MYO16: variants seen among roughly 807,000 people sequenced by gnomAD.
The protein encoded by MYO16 is unconventional myosin-XVI.
MYO16 carries 94 observed loss-of-function variants against 205.3 expected under a neutral mutation model. The ratio of observed to expected loss-of-function variants is 0.46; its 90% CI spans 0.39 to 0.54. The LOEUF is 0.54. MYO16 is among the 20% of genes least tolerant of loss of function. The pLI is 0.00. For missense variants in MYO16, 2,315 were observed against 2,387.5 expected, an observed-to-expected ratio of 0.97 and a Z score of 0.63; for synonymous variants, 988 against 954.0, an observed-to-expected ratio of 1.04 and a Z score of -0.66.
At chr13:108,883,313 G>T in intron 13 of MYO16, 127 bp downstream of exon 13, 2 of 1,192,896 alleles carry the variant, frequency 1.7e-6, no homozygotes, top group Non-Finnish European at 2.3e-6. Context: ...GTATATCTTT[G>T]CAATAAGTAC....
At position 109,162,134 on chromosome 13, in the gene MYO16, G is replaced by A. The variant is rs1878415591; in HGVS notation, c.5165-2767G>A. 6.6e-6 allele frequency among the ~76,000 whole-genome samples: 1 copy of A among 152,138 alleles called. No homozygotes were observed. The highest frequency in any genetic ancestry group is 1.5e-5 in the Non-Finnish European group (1 of 68,038). On this transcript the variant is annotated intron_variant, in intron 32 of 34. Coordinates refer to ENST00000457511, the MANE Select transcript of MYO16 (RefSeq NM_001198950.3). The surrounding 1 kb of genome is among the most constrained non-coding windows in gnomAD (Gnocchi z 4.6). ...ACATGTCTTGGCTATAGTTTAACCT[G>A]CCAATTGAAAAATAGAAATACGTTT...
intron 32 of MYO16, among the ~76,000 whole-genome samples, chr13:109,150,900 G>C (rs1473465068): frequency 1.3e-5 from 2 of 152,190 alleles, no homozygotes; most frequent in Non-Finnish European, 2.9e-5. Context: ...CCTTAAGCAA[G>C]TTAATAAAGA....
At chr13:108,613,428 T>C (rs1190278425) in intron 1 of MYO16, among the ~76,000 whole-genome samples, 1 of 152,274 alleles carries the variant, frequency 6.6e-6, no homozygotes, top group Admixed American at 6.5e-5. Flanking sequence ...GTTATGTTCA[T>C]GGAAGTTATC....
At chr13:109,045,111 C>T (rs1486695011) in intron 23 of MYO16, among the ~76,000 whole-genome samples, 1 of 152,202 alleles carries the variant, frequency 6.6e-6, no homozygotes, top group African/African-American at 2.4e-5. Flanking sequence ...TTCCACATAG[C>T]TTTGAAGATG....
intron 9 of MYO16, among the ~76,000 whole-genome samples, chr13:108,835,137 C>T (rs1876839636): frequency 6.6e-6 from 1 of 151,488 alleles, no homozygotes; most frequent in African/African-American, 2.4e-5. Context: ...TAGATGTGTC[C>T]CCACCCAAAT....
intron 11 of MYO16, among the ~76,000 whole-genome samples, chr13:108,864,292 A>G (rs1379074254): frequency 6.6e-6 from 1 of 152,050 alleles, no homozygotes; most frequent in Non-Finnish European, 1.5e-5. Context: ...TATAATTTTT[A>G]TCTTAAGTAG....
chr13:108,736,459 T>A (rs1301090345), intron 4 of MYO16, among the ~76,000 whole-genome samples: 1 of 152,138 alleles, frequency 6.6e-6, no homozygotes, highest in Non-Finnish European at 1.5e-5. Flanking sequence ...GTTGTAGATG[T>A]GTGGTGTTAT....
At chr13:109,088,550 C>CT (rs79826723) in intron 27 of MYO16, among the ~76,000 whole-genome samples, 6,394 of 149,598 alleles carry the variant, frequency 0.043, 147 homozygotes, top group African/African-American at 0.059. Context: ...ATTCAGCATT[C>CT]TTTTTTTTTT....
chr13:109,129,538 G>A (rs1054107280), intron 31 of MYO16, among the ~76,000 whole-genome samples: 3 of 152,110 alleles, frequency 2.0e-5, no homozygotes, highest in African/African-American at 2.4e-5. Context: ...GGAGTGTCCC[G>A]TTGCCACTGT....
intron 27 of MYO16, among the ~76,000 whole-genome samples, chr13:109,066,247 G>T (rs4643168): frequency 0.5 from 75,529 of 152,028 alleles, 18,765 homozygotes; most frequent in Middle Eastern, 0.55. Flanking sequence ...AGTCTGCCTT[G>T]TTACATGTTG....
At chr13:108,554,850 A>G in the MYO16 span, among the ~76,000 whole-genome samples, 41 of 48,424 alleles carry the variant, frequency 8.5e-4, no homozygotes, top group South Asian at 0.034. Context: ...ACTCTGACTA[A>G]AAAAAAAAAA....
At chr13:109,201,518 T>C (rs1880394130) in intron 34 of MYO16, 1 of 140,594 alleles carries the variant, frequency 7.1e-6, no homozygotes, top group African/African-American at 2.9e-5. Flanking sequence ...AAAAATCTTA[T>C]TCTTTCTATT....
At chr13:108,860,606 A>G (rs1165084976) in intron 11 of MYO16, among the ~76,000 whole-genome samples, 1 of 152,122 alleles carries the variant, frequency 6.6e-6, no homozygotes, top group African/African-American at 2.4e-5. Context: ...AGAATGTTTG[A>G]ACTAATTTAC....
At chr13:109,001,073 A>C (rs556624122) in intron 21 of MYO16, among the ~76,000 whole-genome samples, 43 of 151,992 alleles carry the variant, frequency 2.8e-4, no homozygotes, top group Middle Eastern at 3.4e-3. Flanking sequence ...GCTGAAATTT[A>C]TATTTACTTA....
rs980840791 is a variant in MYO16, at chr13:109,125,003, T to C, written c.3536-109T>C. 177 of 1,188,954 alleles carry C rather than the reference T, an allele frequency of 1.5e-4. No homozygotes were observed. Among genetic ancestry groups the C allele is most frequent in the Non-Finnish European group, 2.0e-4 (172 of 844,884 alleles). 73.7% of individuals were successfully genotyped at this position (1,188,954 alleles called of 1,614,324 possible). On this transcript the variant is annotated intron_variant, in intron 29 of 34. Transcript: ENST00000457511. This position sits in a 1 kb window ranked among gnomAD's most constrained non-coding sequence, Gnocchi z 4.0. Reference sequence around the variant, plus strand: ...ATAAAGTCTTATTCTGGGTTAAATGTACCTTATTCTACAACTGCTCAGAGA... The same window carrying C: ...ATAAAGTCTTATTCTGGGTTAAATGCACCTTATTCTACAACTGCTCAGAGA...
intron 27 of MYO16, among the ~76,000 whole-genome samples, chr13:109,075,702 A>G (rs1888076090): frequency 6.6e-6 from 1 of 152,092 alleles, no homozygotes; most frequent in Non-Finnish European, 1.5e-5. Flanking sequence ...CTTATTTGCC[A>G]TCCTTACATC....
At chr13:108,516,920 A>ATGTTTTGTTTTGTTT in the MYO16 span, among the ~76,000 whole-genome samples, 4,611 of 151,198 alleles carry the variant, frequency 0.03, 256 homozygotes, top group African/African-American at 0.1. Flanking sequence ...TTGAGTAATT[A>ATGTTTTGTTTTGTTT]TGTTTTGTTT....
rs1885501271 is a variant in MYO16, at chr13:109,008,991, C to T, written c.2537C>T (p.Thr846Ile). Residue 846 changes from threonine (T) to isoleucine (I), a missense_variant, in exon 22 of 35, where the codon ACC becomes ATC. By Grantham distance (89) the Thr-to-Ile change is moderately conservative. Coordinates refer to ENST00000457511, the MANE Select transcript of MYO16 (RefSeq NM_001198950.3). ...GTGGAATGTGTACAAGAGGGAGTTA[C>T]CATGGAAACAGCATATTCTCCTGGT... is the stretch of plus-strand genomic sequence containing the variant. ...EQVECVQEGVTMETAYSPGNQ... is the reference protein window; with the variant it reads ...EQVECVQEGVIMETAYSPGNQ... The T allele has an allele frequency of 1.2e-6, 2 of 1,610,518 alleles. No individual in the cohort carries two copies. The highest frequency in any genetic ancestry group is 1.7e-6 in the Non-Finnish European group (2 of 1,178,794).
At chr13:108,990,944 C>T (rs142492804) in intron 20 of MYO16, among the ~76,000 whole-genome samples, 2 of 152,126 alleles carry the variant, frequency 1.3e-5, no homozygotes, top group East Asian at 1.9e-4. Context: ...TTTGTTCTGC[C>T]GTTTGGAAAA....
Sources: gnomAD v4.1 joint callset for allele counts (sites outside exome capture counted in the v4.1 genomes callset) on GRCh38, gnomAD v4.1.1 for gene constraint, Gnocchi (gnomAD v3.1) non-coding constraint, MANE v1.5 for transcripts, NCBI Gene and HGNC (gene_info 2026-07-23, HGNC 2026-07-21) for gene names.